The following RAB31 variants were observed in gnomAD, a reference collection of about 807,000 sequenced individuals.
The protein encoded by RAB31 is RAB31, member RAS oncogene family, also known as ras-related protein Rab-31.
RAB31 carries 21 observed loss-of-function variants against 25.6 expected under a neutral mutation model. The observed-to-expected ratio is 0.82, with a 90% CI of 0.58 to 1.18. RAB31 has a LOEUF of 1.18. Ranked by LOEUF, RAB31 falls within the 50% of genes most tolerant of loss-of-function variation. The probability of loss-of-function intolerance (pLI) is 0.00; values close to 1 mark genes in which losing one functional copy is unlikely to be tolerated. For synonymous variants in RAB31, 87 were observed against 84.0 expected, an observed-to-expected ratio of 1.04 and a Z score of -0.20; for missense variants, 196 against 250.1, an observed-to-expected ratio of 0.78 and a Z score of 1.46.
Position 9,861,693 on chromosome 18 carries a change from A to G in RAB31, c.*2368A>G, listed in dbSNP as rs910803611. On this transcript the variant is annotated 3_prime_UTR_variant, in exon 7 of 7. Transcript: ENST00000578921. ...TTACTGTTGCTAAAAAAAGTCATGT[A>G]GTTTCATGTAGTGTAGCATCCTTGG... The G allele has an allele frequency of 6.6e-6, 1 of 152,196 alleles. No individual in the cohort carries two copies. Among genetic ancestry groups the G allele is most frequent in the African/African-American group, 2.4e-5 (1 of 41,450 alleles). The allele number at this position is 152,196 out of a possible 1,614,324, so 9.4% of individuals were successfully genotyped here. A position where few individuals can be genotyped will look rare whatever the true frequency, so the allele number is the denominator to read the frequency against.
At chr18:9,754,893 G>T (rs2068253263) in intron 1 of RAB31, among the ~76,000 whole-genome samples, 1 of 152,160 alleles carries the variant, frequency 6.6e-6, no homozygotes, top group Non-Finnish European at 1.5e-5. Context: ...GTGAGTGGAA[G>T]AATAAAGGCA....
At chr18:9,735,009 G>A (rs890669693) in intron 1 of RAB31, 9 of 201,428 alleles carry the variant, frequency 4.5e-5, no homozygotes, top group Admixed American at 1.6e-4. Flanking sequence ...TTTTGTTGTC[G>A]TCGTTGTTGT....
chr18:9,766,033 G>A lies in RAB31; in HGVS notation c.40-9245G>A, dbSNP rs188497005. On this transcript the variant is annotated intron_variant, in intron 1 of 6. Coordinates refer to ENST00000578921, the MANE Select transcript of RAB31 (RefSeq NM_006868.4). The surrounding 1 kb of genome is among the most constrained non-coding windows in gnomAD (Gnocchi z 4.3). ...AAAAAAGTGCTTTGTGGGTTAATAT[G>A]GAATTTGTGCCATATTTCTGTGGGG... 5.3e-5 allele frequency among the ~76,000 whole-genome samples: 8 copies of A among 152,268 alleles called. No homozygotes were observed. Among genetic ancestry groups the A allele is most frequent in the Admixed American group, 5.2e-4 (8 of 15,300 alleles).
At chr18:9,837,581 A>G (rs1271521857) in intron 5 of RAB31, among the ~76,000 whole-genome samples, 4 of 152,358 alleles carry the variant, frequency 2.6e-5, no homozygotes, top group South Asian at 4.1e-4. Flanking sequence ...TAGGTTCCAT[A>G]ATATGCAAAG....
intron 1 of RAB31, among the ~76,000 whole-genome samples, chr18:9,721,990 A>T (rs1442384899): frequency 6.6e-6 from 1 of 152,118 alleles, no homozygotes; most frequent in African/African-American, 2.4e-5. Context: ...GCCACCAGAC[A>T]GAGAGGTCTG....
intron 2 of RAB31, among the ~76,000 whole-genome samples, chr18:9,784,359 T>G (rs1242641889): frequency 2.0e-5 from 3 of 151,760 alleles, no homozygotes; most frequent in Non-Finnish European, 2.9e-5. Context: ...AAAAATTAAG[T>G]CTAAGGATAT....
At chr18:9,764,531 C>T (rs187930991) in intron 1 of RAB31, among the ~76,000 whole-genome samples, 1 of 152,280 alleles carries the variant, frequency 6.6e-6, no homozygotes, top group Admixed American at 6.5e-5. Flanking sequence ...ATCTCTCCTC[C>T]CCTTGACAAA....
chr18:9,845,560 C>G, intron 5 of RAB31, 22 bp from the exon 6 acceptor site: 1 of 1,513,140 alleles, frequency 6.6e-7, no homozygotes, highest in Non-Finnish European at 8.8e-7. Flanking sequence ...CATTTCCTGT[C>G]TACATTTGAC....
intron 1 of RAB31, among the ~76,000 whole-genome samples, chr18:9,742,929 C>T (rs952373754): frequency 6.6e-6 from 1 of 152,060 alleles, no homozygotes; most frequent in Admixed American, 6.5e-5. Context: ...CACTAAAGCA[C>T]GAATGTTTTT....
chr18:9,756,498 G>T (rs1043231475), intron 1 of RAB31, among the ~76,000 whole-genome samples: 2 of 151,900 alleles, frequency 1.3e-5, no homozygotes, highest in African/African-American at 4.8e-5. Flanking sequence ...TAACTGTATT[G>T]CACAGGACCT....
At chr18:9,723,504 A>G (rs1000198231) in intron 1 of RAB31, 1 of 152,212 alleles carries the variant, frequency 6.6e-6, no homozygotes, top group East Asian at 1.9e-4. Context: ...ATTATTTTTC[A>G]TAGATTAATC....
intron 1 of RAB31, among the ~76,000 whole-genome samples, chr18:9,729,526 C>CAAA (rs11431212): frequency 7.6e-6 from 1 of 131,670 alleles, no homozygotes; most frequent in African/African-American, 2.7e-5. Flanking sequence ...GACTCCGTCT[C>CAAA]AAAAAAAAAA....
chr18:9,812,689 ATTTTTTTTT>A (rs55968922), intron 3 of RAB31, among the ~76,000 whole-genome samples: 71 of 90,220 alleles, frequency 7.9e-4, no homozygotes, highest in African/African-American at 2.8e-3. Context: ...CCAGGATACT[ATTTTTTTTT>A]TTTTTTTTTT....
Position 9,766,417 on chromosome 18 carries a change from G to C in RAB31, c.40-8861G>C, listed in dbSNP as rs564603865. On this transcript the variant is annotated intron_variant, in intron 1 of 6. Coordinates refer to ENST00000578921, the MANE Select transcript of RAB31 (RefSeq NM_006868.4). The surrounding 1 kb of genome is among the most constrained non-coding windows in gnomAD (Gnocchi z 4.3). ...GGCATCTCCACACAAGGACCTGCCT[G>C]GCAGGCGGGGTGGGCTGAGGCGGGC... Among the ~76,000 whole-genome samples, 2 of 152,338 alleles carry C rather than the reference G, an allele frequency of 1.3e-5. No individual in the cohort carries two copies. Among genetic ancestry groups the C allele is most frequent in the African/African-American group, 4.8e-5 (2 of 41,590 alleles).
At chr18:9,747,631 C>T (rs1448144339) in intron 1 of RAB31, among the ~76,000 whole-genome samples, 1 of 152,096 alleles carries the variant, frequency 6.6e-6, no homozygotes, top group East Asian at 1.9e-4. Context: ...TTGTGTGATT[C>T]CTTTCATAGG....
In RAB31 at chr18:9,768,154, G is replaced by T. The variant is rs529481251; in HGVS notation, c.40-7124G>T. Among the ~76,000 whole-genome samples, 8 of 152,232 alleles carry T rather than the reference G, an allele frequency of 5.3e-5. No homozygotes were observed. In the South Asian group the frequency reaches 1.7e-3, roughly 32 times the overall value. On this transcript the variant is annotated intron_variant, in intron 1 of 6. Coordinates refer to ENST00000578921, the MANE Select transcript of RAB31 (RefSeq NM_006868.4). ...AGTCTTTGCTATTGTGAACAGTGCT[G>T]CAATAAACATACGTGTGCATGTGTC...
At chr18:9,758,946 C>G (rs749569478) in intron 1 of RAB31, among the ~76,000 whole-genome samples, 4 of 152,096 alleles carry the variant, frequency 2.6e-5, no homozygotes, top group Non-Finnish European at 5.9e-5. Context: ...AACCAGCGTG[C>G]TCTGTTGGGT....
chr18:9,774,209 C>A (rs890938986), intron 1 of RAB31, among the ~76,000 whole-genome samples: 2 of 152,102 alleles, frequency 1.3e-5, no homozygotes, highest in Non-Finnish European at 2.9e-5. Flanking sequence ...TTTTTTTCTC[C>A]TACCTAAAGG....
At chr18:9,803,448 G>C (rs1010527877) in intron 3 of RAB31, among the ~76,000 whole-genome samples, 4 of 152,040 alleles carry the variant, frequency 2.6e-5, no homozygotes, top group Non-Finnish European at 5.9e-5. Flanking sequence ...TCACTATACT[G>C]TCCAGGCTGG....
Sources: allele counts gnomAD v4.1 joint callset (sites outside exome capture counted in the v4.1 genomes callset), GRCh38; gene constraint gnomAD v4.1.1; non-coding constraint Gnocchi (gnomAD v3.1); transcripts MANE v1.5; gene names NCBI Gene and HGNC (gene_info 2026-07-23, HGNC 2026-07-21).